CD40: variants seen among roughly 807,000 people sequenced by gnomAD.
The protein encoded by CD40 is CD40 molecule, also known as tumor necrosis factor receptor superfamily member 5.
Under a neutral mutation model 38.5 loss-of-function variants are expected in CD40, and 19 were observed. The ratio of observed to expected loss-of-function variants is 0.49; its 90% CI spans 0.34 to 0.72. The LOEUF is 0.72. Among genes scored for constraint, CD40 ranks in the 30% least tolerant of loss-of-function variants. The probability of loss-of-function intolerance (pLI) is 0.01; values close to 1 mark genes in which losing one functional copy is unlikely to be tolerated. For synonymous variants in CD40, 130 were observed against 128.7 expected (o/e 1.01, Z -0.07); for missense variants, 256 against 344.1 (o/e 0.74, Z 2.03).
chr20:46,119,701 C>A (rs1225926410), intron 1 of CD40, among the ~76,000 whole-genome samples: 1 of 152,164 alleles, frequency 6.6e-6, no homozygotes, highest in Non-Finnish European at 1.5e-5. Context: ...TTTCTCACAA[C>A]TCCCCCATTA....
In CD40 at chr20:46,122,818, AGGGG is replaced by A; in HGVS notation, c.403+63_403+66del. 6.2e-7 allele frequency: 1 copy of A among 1,602,202 alleles called. No homozygotes were observed. Among genetic ancestry groups the A allele is most frequent in the Non-Finnish European group, 8.5e-7 (1 of 1,171,254 alleles). Reference sequence around the variant, plus strand: ...ACAGAGGAGCTTAGGGCCCAAGGTGAGGGGCTGGGCAGTGGGCACTTAGCCCCAG... The same window carrying A: ...ACAGAGGAGCTTAGGGCCCAAGGTGACTGGGCAGTGGGCACTTAGCCCCAG... On this transcript the variant is annotated intron_variant, in intron 4 of 8. Transcript: ENST00000372285. The surrounding 1 kb of genome is among the most constrained non-coding windows in gnomAD (Gnocchi z 5.0).
Position 46,129,228 on chromosome 20 carries a change from A to G in CD40, c.*188A>G. 1.5e-6 allele frequency: 1 copy of G among 657,820 alleles called. No homozygotes were observed. The highest frequency in any genetic ancestry group is 2.7e-6 in the Non-Finnish European group (1 of 365,542). 40.7% of individuals were successfully genotyped at this position (657,820 alleles called of 1,614,324 possible). A position where few individuals can be genotyped will look rare whatever the true frequency, so the allele number is the denominator to read the frequency against. On this transcript the variant is annotated 3_prime_UTR_variant, in exon 9 of 9. Coordinates refer to ENST00000372285, the MANE Select transcript of CD40 (RefSeq NM_001250.6). ...CTGGATGCAGAAACAGTTCACCTTG[A>G]AGAACCTCTCACTTCACCCTGGAGC...
intron 5 of CD40, among the ~76,000 whole-genome samples, chr20:46,125,271 C>T (rs778333724): frequency 4.6e-5 from 7 of 151,370 alleles, no homozygotes; most frequent in Non-Finnish European, 1.0e-4. Flanking sequence ...GTAGGCCGGG[C>T]GTGGTGGCTC....
intron 2 of CD40, 25 bp downstream of exon 2, chr20:46,121,923 A>AAC: frequency 8.8e-6 from 14 of 1,584,322 alleles, no homozygotes; most frequent in Non-Finnish European, 1.2e-5. Context: ...CTCTAGCCCC[A>AAC]TCATGGAGTC....
chr20:46,119,760 G>A (rs1028377415), intron 1 of CD40, among the ~76,000 whole-genome samples: 4 of 152,142 alleles, frequency 2.6e-5, no homozygotes, highest in Non-Finnish European at 4.4e-5. Context: ...CTTGCCAAAG[G>A]TCTCATAGCT....
chr20:46,129,088 G>A lies in CD40; in HGVS notation c.*48G>A. 1.9e-6 allele frequency: 3 copies of A among 1,602,364 alleles called. No individual in the cohort carries two copies. The South Asian group carries it at 3.3e-5, about 18-fold the overall frequency. On this transcript the variant is annotated 3_prime_UTR_variant, in exon 9 of 9. Transcript: ENST00000372285. ...GGCCACGTGGGCAAACAGGCAGTTG[G>A]CCAGAGAGCCTGGTGCTGCTGCTGC...
At chr20:46,118,957 G>A (rs1331747657) in intron 1 of CD40, among the ~76,000 whole-genome samples, 16 of 152,124 alleles carry the variant, frequency 1.1e-4, no homozygotes, top group Admixed American at 1.0e-3. Context: ...AACCTAGGAG[G>A]AATCCCCAGG....
chr20:46,128,652 G>A, intron 8 of CD40: 1 of 666,898 alleles, frequency 1.5e-6, no homozygotes, highest in Non-Finnish European at 2.6e-6. Context: ...GGGTCAAATG[G>A]GTGGGAGCAA....
chr20:46,122,807 G>A lies in CD40; in HGVS notation c.403+51G>A, dbSNP rs767743485. ...TTTGGAGGGGGACAGAGGAGCTTAG[G>A]GCCCAAGGTGAGGGGCTGGGCAGTG... On this transcript the variant is annotated intron_variant, in intron 4 of 8. Transcript: ENST00000372285. This position sits in a 1 kb window ranked among gnomAD's most constrained non-coding sequence, Gnocchi z 5.0. 1 of 1,609,142 alleles carries A rather than the reference G, an allele frequency of 6.2e-7. No homozygotes were observed. The highest frequency in any genetic ancestry group is 8.5e-7 in the Non-Finnish European group (1 of 1,176,316).
chr20:46,124,634 C>CT (rs369596117), intron 5 of CD40, among the ~76,000 whole-genome samples: 22 of 148,412 alleles, frequency 1.5e-4, no homozygotes, highest in Middle Eastern at 3.5e-3. Context: ...GAAACTTGGC[C>CT]TTTTTTTTTT....
intron 4 of CD40, 49 bp from the exon 5 acceptor site, chr20:46,123,076 AC>A: frequency 7.2e-7 from 1 of 1,388,938 alleles, no homozygotes; most frequent in Non-Finnish European, 1.0e-6. Context: ...TGTGAGCCGG[AC>A]AGGTGGTCCA....
chr20:46,126,975 A>G, intron 6 of CD40: 1 of 518,596 alleles, frequency 1.9e-6, no homozygotes, highest in African/African-American at 1.9e-5. Context: ...AAGATCAGAT[A>G]ATGTAAATCA....
At chr20:46,123,588 C>T (rs575389807) in intron 5 of CD40, among the ~76,000 whole-genome samples, 1 of 152,170 alleles carries the variant, frequency 6.6e-6, no homozygotes, top group South Asian at 2.1e-4. Context: ...ACCCTGAGGG[C>T]CTCCCTCTCT....
At chr20:46,119,997 C>T (rs888121985) in intron 1 of CD40, among the ~76,000 whole-genome samples, 1 of 152,106 alleles carries the variant, frequency 6.6e-6, no homozygotes, top group Non-Finnish European at 1.5e-5. Flanking sequence ...TGTGGGAGCT[C>T]CACGTTCACA....
At chr20:46,124,787 GAC>G (rs1296232431) in intron 5 of CD40, among the ~76,000 whole-genome samples, 2 of 41,284 alleles carry the variant, frequency 4.8e-5, no homozygotes, top group Non-Finnish European at 1.1e-4. Flanking sequence ...TTTTTTTTGA[GAC>G]AGAGTCTCAC....
chr20:46,126,673 A>G lies in CD40; in HGVS notation c.531A>G (p.Ala177=), dbSNP rs374572404. 5.0e-6 allele frequency: 8 copies of G among 1,614,102 alleles called. No homozygotes were observed. Among genetic ancestry groups the G allele is most frequent in the Non-Finnish European group, 5.1e-6 (6 of 1,179,948 alleles). ...CETKDLVVQQ[A]GTNKTDVVCG... is the part of the protein sequence containing the mutation. ...CCAAAGACCTGGTTGTGCAACAGGC[A>G]GGCACAAACAAGACTGATGTTGTCT... The change falls in exon 6 of 9, where the codon GCA becomes GCG. Residue 177 remains alanine (A), a synonymous_variant. Transcript: ENST00000372285.
In CD40 at chr20:46,124,828, G is replaced by A. The variant is rs941266345; in HGVS notation, c.497+1609G>A. On this transcript the variant is annotated intron_variant, in intron 5 of 8. Transcript: ENST00000372285. The stretch of plus-strand genomic sequence containing the variant: ...GTCGCCCAGGCTGGAGTGCAGTGGC[G>A]CAATCTCGGCTCACTGCAAGCTCTG... Among the ~76,000 whole-genome samples the A allele has an allele frequency of 5.3e-4, 72 of 134,810 alleles. 1 individual carries two copies. The highest frequency in any genetic ancestry group is 2.6e-3 in the South Asian group (11 of 4,154). The allele number at this position is 134,810 out of a possible 152,430, so 88.4% of individuals were successfully genotyped here. A position where few individuals can be genotyped will look rare whatever the true frequency, so the allele number is the denominator to read the frequency against.
rs756357206 is a variant in CD40, at chr20:46,124,496, A to AAC, written c.497+1297_497+1298dup. 5.8e-3 allele frequency among the ~76,000 whole-genome samples: 868 copies of AAC among 149,598 alleles called. 11 individuals carry two copies. The highest frequency in any genetic ancestry group is 0.012 in the African/African-American group (499 of 40,882). On this transcript the variant is annotated intron_variant, in intron 5 of 8. Transcript: ENST00000372285. ...CAGAGATTCTACATATAAACAAACCAACACACACACACACACACACAAACA... is the reference window on the plus strand; with the variant it reads ...CAGAGATTCTACATATAAACAAACCAACACACACACACACACACACACAAACA...
At position 46,129,253 on chromosome 20, in the gene CD40, C is replaced by T. The variant is rs1406072131; in HGVS notation, c.*213C>T. 5.0e-6 allele frequency: 3 copies of T among 595,914 alleles called. No individual in the cohort carries two copies. The highest frequency in any genetic ancestry group is 9.1e-6 in the Non-Finnish European group (3 of 329,610). 36.9% of individuals were successfully genotyped at this position (595,914 alleles called of 1,614,324 possible). On this transcript the variant is annotated 3_prime_UTR_variant, in exon 9 of 9. Transcript: ENST00000372285. ...AAGAACCTCTCACTTCACCCTGGAG[C>T]CCATCCAGTCTCCCAACTTGTATTA...
Sources: gnomAD v4.1 joint callset for allele counts (sites outside exome capture counted in the v4.1 genomes callset) on GRCh38, gnomAD v4.1.1 for gene constraint, Gnocchi (gnomAD v3.1) non-coding constraint, MANE v1.5 for transcripts, NCBI Gene and HGNC (gene_info 2026-07-23, HGNC 2026-07-21) for gene names.